KLF16: variants seen among roughly 807,000 people sequenced by gnomAD.
KLF16 encodes the protein Krueppel-like factor 16.
A neutral mutation model predicts 6.1 loss-of-function variants in KLF16; 6 were observed. The observed-to-expected ratio is 0.98, with a 90% CI of 0.54 to 1.93. The LOEUF (loss-of-function observed/expected upper bound fraction) is 1.93. Ranked by LOEUF, KLF16 falls within the 30% of genes most tolerant of loss-of-function variation. The pLI, the probability that KLF16 is intolerant of heterozygous loss-of-function variation, is 0.01. For missense variants in KLF16, 355 were observed against 363.8 expected, an observed-to-expected ratio of 0.98 and a Z score of 0.20; for synonymous variants, 211 against 176.5, an observed-to-expected ratio of 1.20 and a Z score of -1.55.
In KLF16 at chr19:1,854,137, G is replaced by A. The variant is rs752676165; in HGVS notation, c.*322C>T. ...ACTCCACCCCCCCAAACCCCACCCC[G>A]GGAGGGGGGCAGCAGGGGGTGGTGG... On this transcript the variant is annotated 3_prime_UTR_variant, in exon 2 of 2. Coordinates refer to ENST00000250916, the MANE Select transcript of KLF16 (RefSeq NM_031918.4). 4 of 295,960 alleles carry A rather than the reference G, an allele frequency of 1.4e-5. No homozygotes were observed. Among genetic ancestry groups the A allele is most frequent in the East Asian group, 6.0e-5 (1 of 16,572 alleles). 18.3% of individuals were successfully genotyped at this position (295,960 alleles called of 1,614,324 possible). A position where few individuals can be genotyped will look rare whatever the true frequency, so the allele number is the denominator to read the frequency against.
At chr19:1,868,701 A>G in the KLF16 span, among the ~76,000 whole-genome samples, 3 of 150,232 alleles carry the variant, frequency 2.0e-5, no homozygotes, top group East Asian at 5.9e-4. Context: ...CTGCAGTGCA[A>G]TGGCACAATC....
intron 1 of KLF16, among the ~76,000 whole-genome samples, chr19:1,855,368 C>A (rs538767821): frequency 2.6e-5 from 4 of 152,330 alleles, no homozygotes; most frequent in African/African-American, 9.6e-5. Flanking sequence ...CAGTCTGGGC[C>A]CCGATCTCGG....
Position 1,854,672 on chromosome 19 carries a change from C to A in KLF16, c.546G>T (p.Thr182=), listed in dbSNP as rs769338071. 1.2e-6 allele frequency: 2 copies of A among 1,600,166 alleles called. No homozygotes were observed. Among genetic ancestry groups the A allele is most frequent in the Non-Finnish European group, 1.7e-6 (2 of 1,179,584 alleles). ...GAGGGCAGGAGAAGCGCTTCTCGCCCGTGTGCGTCCGGTGGTGGCGGGCCA... is the reference window on the plus strand; with the variant it reads ...GAGGGCAGGAGAAGCGCTTCTCGCCAGTGTGCGTCCGGTGGTGGCGGGCCA... ...DELARHHRTH[T]GEKRFSCPLC... is the part of the protein sequence containing the mutation. The change falls in exon 2 of 2, where the codon ACG becomes ACT. Residue 182 remains threonine (T), a synonymous_variant. Coordinates refer to ENST00000250916, the MANE Select transcript of KLF16 (RefSeq NM_031918.4).
chr19:1,872,349 C>G, the KLF16 span, among the ~76,000 whole-genome samples: 2 of 152,196 alleles, frequency 1.3e-5, no homozygotes, highest in Non-Finnish European at 2.9e-5. Flanking sequence ...TCAGGCTGGT[C>G]TCGACCTCCT....
intron 1 of KLF16, 27 bp from the exon 2 acceptor site, chr19:1,854,787 C>G: frequency 6.3e-7 from 1 of 1,593,580 alleles, no homozygotes. Flanking sequence ...AGACAGACAG[C>G]GGGTCAGCGG....
At position 1,857,225 on chromosome 19, in the gene KLF16, G is replaced by A. The variant is rs1230810206; in HGVS notation, c.458-2465C>T. On this transcript the variant is annotated intron_variant, in intron 1 of 1. Coordinates refer to ENST00000250916, the MANE Select transcript of KLF16 (RefSeq NM_031918.4). The surrounding 1 kb of genome is among the most constrained non-coding windows in gnomAD (Gnocchi z 4.7). ...GCTACCCACCCACGCTGCGCTGGGC[G>A]AAGCGCCTCTGCGAAATGCCAGGCC... Among the ~76,000 whole-genome samples, 2 of 152,226 alleles carry A rather than the reference G, an allele frequency of 1.3e-5. No individual in the cohort carries two copies. Among genetic ancestry groups the A allele is most frequent in the African/African-American group, 4.8e-5 (2 of 41,466 alleles).
chr19:1,871,297 C>T, the KLF16 span, among the ~76,000 whole-genome samples: 1 of 152,192 alleles, frequency 6.6e-6, no homozygotes, highest in Non-Finnish European at 1.5e-5. Context: ...GTGGAAGCCA[C>T]CTCCGGACAG....
upstream of KLF16, among the ~76,000 whole-genome samples, chr19:1,866,766 A>C: frequency 9.4e-6 from 1 of 106,090 alleles, no homozygotes. Flanking sequence ...ACAGAGTGGG[A>C]CCCTGTCTCA....
upstream of KLF16, among the ~76,000 whole-genome samples, chr19:1,866,613 A>T (rs912682492): frequency 1.7e-5 from 2 of 118,146 alleles, no homozygotes; most frequent in African/African-American, 5.4e-5. Context: ...AAACTGTCTC[A>T]AAAAAAAAAA....
At chr19:1,872,040 C>T in the KLF16 span, among the ~76,000 whole-genome samples, 4 of 152,176 alleles carry the variant, frequency 2.6e-5, no homozygotes, top group African/African-American at 7.2e-5. Flanking sequence ...GACCAGGACC[C>T]CCAGGCACCC....
chr19:1,864,788 C>G (rs2012157955), upstream of KLF16, among the ~76,000 whole-genome samples: 1 of 152,190 alleles, frequency 6.6e-6, no homozygotes, highest in Non-Finnish European at 1.5e-5. Context: ...CGCGGATGGC[C>G]CAGTTCGCAG....
At chr19:1,868,518 A>T (rs1310171831), upstream of KLF16, among the ~76,000 whole-genome samples, 1 of 121,480 alleles carries the variant, frequency 8.2e-6, no homozygotes, top group African/African-American at 3.3e-5. Context: ...TCTCACTGTT[A>T]CCCAGGCTGG....
rs1392320807 is a variant in KLF16 at position 1,854,711 on chromosome 19, G to C, written c.507C>G (p.Ala169=). Reference sequence around the variant, plus strand: ...GGTGGCGGGCCAGCTCGTCGGAGCGGGCGAACTTCTTGTCGCAGCCCTGCC... The same window carrying C: ...GGTGGCGGGCCAGCTCGTCGGAGCGCGCGAACTTCTTGTCGCAGCCCTGCC... The part of the protein sequence containing the change: ...CDWQGCDKKF[A]RSDELARHHR... Residue 169 remains alanine, a synonymous_variant, in exon 2 of 2, where the codon GCC becomes GCG. Coordinates refer to ENST00000250916, the MANE Select transcript of KLF16 (RefSeq NM_031918.4). 3 of 1,599,426 alleles carry C rather than the reference G, an allele frequency of 1.9e-6. No homozygotes were observed. The highest frequency in any genetic ancestry group is 3.3e-5 in the Admixed American group (2 of 59,940).
chr19:1,860,119 G>GC (rs2145367570), intron 1 of KLF16: 1 of 145,250 alleles, frequency 6.9e-6, no homozygotes, highest in East Asian at 2.0e-4. Flanking sequence ...CATGCCGGGG[G>GC]CGGGGGGGGG....
Position 1,863,106 on chromosome 19 carries a change from A to G in KLF16, c.392T>C (p.Phe131Ser). Residue 131 changes from phenylalanine (F) to serine (S), a missense_variant, in exon 1 of 2, where the codon TTC becomes TCC. Physicochemically the swap from Phe to Ser is radical, Grantham distance 155. Transcript: ENST00000250916. ...SAAAKSHRCP[F>S]PDCAKAYYKS... is the part of the protein sequence containing the mutation. Reference sequence around the variant, plus strand: ...GTAGTAGGCTTTGGCGCAGTCCGGGAAGGGACAGCGGTGGCTCTTGGCGGC... The same window carrying G: ...GTAGTAGGCTTTGGCGCAGTCCGGGGAGGGACAGCGGTGGCTCTTGGCGGC... 1.4e-6 allele frequency: 2 copies of G among 1,393,922 alleles called. No individual in the cohort carries two copies. Among genetic ancestry groups the G allele is most frequent in the Admixed American group, 2.4e-5 (1 of 41,044 alleles). 86.3% of individuals were successfully genotyped at this position (1,393,922 alleles called of 1,614,324 possible). A position where few individuals can be genotyped will look rare whatever the true frequency, so the allele number is the denominator to read the frequency against.
upstream of KLF16, among the ~76,000 whole-genome samples, chr19:1,868,252 C>T (rs1176487674): frequency 5.3e-5 from 8 of 152,108 alleles, no homozygotes; most frequent in Admixed American, 3.9e-4. Flanking sequence ...CAGAACAGGG[C>T]AGGGACAGGA....
upstream of KLF16, among the ~76,000 whole-genome samples, chr19:1,866,612 CA>C (rs148043121): frequency 0.1 from 13,144 of 129,292 alleles, 710 homozygotes; most frequent in Middle Eastern, 0.15. Context: ...GAAACTGTCT[CA>C]AAAAAAAAAA....
chr19:1,870,903 G>A, the KLF16 span, among the ~76,000 whole-genome samples: 1 of 152,224 alleles, frequency 6.6e-6, no homozygotes, highest in Non-Finnish European at 1.5e-5. Flanking sequence ...GGCTGAGGCA[G>A]GAGAATCACT....
At chr19:1,864,533 C>T (rs574935266), upstream of KLF16, among the ~76,000 whole-genome samples, 69 of 152,212 alleles carry the variant, frequency 4.5e-4, no homozygotes, top group African/African-American at 1.6e-3. Context: ...CGGTTGGGTC[C>T]CAGAGGGTCG....
Sources: gnomAD v4.1 joint callset for allele counts (sites outside exome capture counted in the v4.1 genomes callset) on GRCh38, gnomAD v4.1.1 for gene constraint, Gnocchi (gnomAD v3.1) non-coding constraint, MANE v1.5 for transcripts, NCBI Gene and HGNC (gene_info 2026-07-23, HGNC 2026-07-21) for gene names.